The following ST6GALNAC3 variants were observed in gnomAD, a reference collection of about 807,000 sequenced individuals.
ST6GALNAC3 encodes the protein alpha-N-acetylgalactosaminide alpha-2,6-sialyltransferase 3.
Under a neutral mutation model 32.7 loss-of-function variants are expected in ST6GALNAC3, and 25 were observed. The observed-to-expected ratio is 0.76, with a 90% confidence interval of 0.56 to 1.07. The LOEUF is 1.07. ST6GALNAC3 is among the 50% of genes least tolerant of loss of function. ST6GALNAC3 has a pLI of 0.00. For missense variants in ST6GALNAC3, 355 were observed against 382.4 expected (o/e 0.93, Z 0.60); for synonymous variants, 129 against 133.1 (o/e 0.97, Z 0.21).
At chr1:76,433,010 TCCCCTCTTG>T (rs1655883487) in intron 3 of ST6GALNAC3, among the ~76,000 whole-genome samples, 1 of 152,110 alleles carries the variant, frequency 6.6e-6, no homozygotes, top group South Asian at 2.1e-4. Context: ...CCCGCCTGCT[TCCCCTCTTG>T]TGCTCTGTCT....
At chr1:76,460,664 T>C (rs111234789) in intron 3 of ST6GALNAC3, among the ~76,000 whole-genome samples, 3,182 of 152,282 alleles carry the variant, frequency 0.021, 105 homozygotes, top group African/African-American at 0.07. Context: ...ACTCTGACTT[T>C]ATTATTCTTT....
chr1:76,230,975 T>A (rs1656329526), intron 1 of ST6GALNAC3, among the ~76,000 whole-genome samples: 1 of 152,222 alleles, frequency 6.6e-6, no homozygotes, highest in Non-Finnish European at 1.5e-5. Flanking sequence ...CTGCCCCACC[T>A]CCTTCTGTGA....
chr1:76,556,829 ACTTT>A (rs1664956206), intron 3 of ST6GALNAC3, among the ~76,000 whole-genome samples: 1 of 151,806 alleles, frequency 6.6e-6, no homozygotes, highest in Non-Finnish European at 1.5e-5. Context: ...CTATCTTTTC[ACTTT>A]CTTGCCAGTG....
intron 3 of ST6GALNAC3, among the ~76,000 whole-genome samples, chr1:76,589,222 T>C (rs1488252777): frequency 6.6e-6 from 1 of 152,160 alleles, no homozygotes; most frequent in Non-Finnish European, 1.5e-5. Context: ...TTTGCAAATA[T>C]CTCCTTATTT....
chr1:76,597,774 A>C (rs765472580), intron 3 of ST6GALNAC3, among the ~76,000 whole-genome samples: 8 of 152,090 alleles, frequency 5.3e-5, no homozygotes, highest in African/African-American at 9.7e-5. Context: ...ATGGGTGAAA[A>C]GCATCAAAGC....
chr1:76,388,548 A>G (rs1291000411), intron 2 of ST6GALNAC3, among the ~76,000 whole-genome samples: 1 of 152,178 alleles, frequency 6.6e-6, no homozygotes, highest in Non-Finnish European at 1.5e-5. Context: ...AGCCAGAGGT[A>G]TAGTTGTTAC....
intron 3 of ST6GALNAC3, among the ~76,000 whole-genome samples, chr1:76,481,152 T>C (rs993541485): frequency 2.0e-5 from 3 of 152,182 alleles, no homozygotes; most frequent in African/African-American, 7.2e-5. Context: ...TTTCCAGCAT[T>C]AGTCACTTAC....
intron 3 of ST6GALNAC3, among the ~76,000 whole-genome samples, chr1:76,461,319 G>A (rs1373511067): frequency 6.6e-6 from 1 of 152,092 alleles, no homozygotes; most frequent in East Asian, 1.9e-4. Context: ...TTCTCCCCTG[G>A]TGGTTGCCCG....
chr1:76,406,661 T>C (rs1653855132), intron 2 of ST6GALNAC3, among the ~76,000 whole-genome samples: 1 of 152,070 alleles, frequency 6.6e-6, no homozygotes, highest in East Asian at 1.9e-4. Flanking sequence ...ATAATTTAAA[T>C]ATAATAGTGA....
At chr1:76,096,726 G>A (rs1017151575) in intron 1 of ST6GALNAC3, among the ~76,000 whole-genome samples, 6 of 150,834 alleles carry the variant, frequency 4.0e-5, no homozygotes, top group Non-Finnish European at 5.9e-5. Flanking sequence ...CATCGTAGGT[G>A]TCCCAGAAAC....
At chr1:76,232,049 C>T (rs769998148) in intron 1 of ST6GALNAC3, among the ~76,000 whole-genome samples, 12 of 152,130 alleles carry the variant, frequency 7.9e-5, no homozygotes, top group Non-Finnish European at 1.2e-4. Context: ...TACCCAAGGT[C>T]GTATGGTTTG....
At chr1:76,085,099 G>GA (rs969396275) in intron 1 of ST6GALNAC3, among the ~76,000 whole-genome samples, 1 of 150,240 alleles carries the variant, frequency 6.7e-6, no homozygotes, top group Non-Finnish European at 1.5e-5. Flanking sequence ...TTAAATGGTT[G>GA]AAAAAAAAAT....
At chr1:76,263,935 C>T (rs1214369840) in intron 1 of ST6GALNAC3, among the ~76,000 whole-genome samples, 1 of 152,084 alleles carries the variant, frequency 6.6e-6, no homozygotes, top group East Asian at 1.9e-4. Flanking sequence ...AACTAAAAGG[C>T]ACTGGATGGA....
At chr1:76,421,844 GCTCAAAATC>G (rs1419212832) in intron 3 of ST6GALNAC3, among the ~76,000 whole-genome samples, 1 of 151,802 alleles carries the variant, frequency 6.6e-6, no homozygotes, top group Non-Finnish European at 1.5e-5. Flanking sequence ...TCACTCTCCT[GCTCAAAATC>G]CTGCAATAGT....
intron 1 of ST6GALNAC3, chr1:76,142,744 G>T (rs757322995): frequency 2.5e-6 from 1 of 406,942 alleles, no homozygotes; most frequent in African/African-American, 2.1e-5. Flanking sequence ...AGTGAGGAGC[G>T]TCCAGCTGTG....
At chr1:76,575,690 G>A (rs1016834097) in intron 3 of ST6GALNAC3, among the ~76,000 whole-genome samples, 3 of 152,016 alleles carry the variant, frequency 2.0e-5, no homozygotes, top group African/African-American at 7.2e-5. Flanking sequence ...GTAGGGAAAA[G>A]GTGAAATGGT....
intron 1 of ST6GALNAC3, among the ~76,000 whole-genome samples, chr1:76,214,674 T>C (rs1283279664): frequency 6.6e-6 from 1 of 152,210 alleles, no homozygotes; most frequent in Non-Finnish European, 1.5e-5. Flanking sequence ...TTGCACACAG[T>C]AGGTACTCAA....
rs535401378 is a variant in ST6GALNAC3, at chr1:76,211,131, G to A, written c.19-102674G>A. ...TAAAGTCCCTATCTCCGAAGGATAT[G>A]AACAGACACTTCTCAAAAGAAGACA... On this transcript the variant is annotated intron_variant, in intron 1 of 4. Coordinates refer to ENST00000328299, the MANE Select transcript of ST6GALNAC3 (RefSeq NM_152996.4). 2.0e-4 allele frequency among the ~76,000 whole-genome samples: 30 copies of A among 152,294 alleles called. 2 individuals carry two copies. The East Asian group carries it at 5.2e-3, about 26-fold the overall frequency.
chr1:76,222,530 T>G lies in ST6GALNAC3; in HGVS notation c.19-91275T>G, dbSNP rs1323567941. 2.6e-5 allele frequency among the ~76,000 whole-genome samples: 4 copies of G among 152,046 alleles called. No homozygotes were observed. The East Asian group carries it at 7.7e-4, about 29-fold the overall frequency. ...ACAAAGATCTAATATTCAGTATGTA[T>G]AAGGAATTTTAAAAATTTACAAGCA... On this transcript the variant is annotated intron_variant, in intron 1 of 4. Transcript: ENST00000328299.
Sources: allele counts gnomAD v4.1 joint callset (sites outside exome capture counted in the v4.1 genomes callset), GRCh38; gene constraint gnomAD v4.1.1; transcripts MANE v1.5; gene names NCBI Gene and HGNC (gene_info 2026-07-23, HGNC 2026-07-21).